GRK5: variants seen among roughly 807,000 people sequenced by gnomAD.
The protein encoded by GRK5 is g protein-coupled receptor kinase GRK5.
GRK5 carries 40 observed loss-of-function variants against 78.4 expected under a neutral mutation model. The observed-to-expected ratio is 0.51, with a 90% CI of 0.40 to 0.66. The LOEUF is 0.66. GRK5 is among the 30% of genes least tolerant of loss of function. GRK5 has a pLI of 0.00. For synonymous variants in GRK5, 289 were observed against 296.8 expected, an observed-to-expected ratio of 0.97 and a Z score of 0.27; for missense variants, 598 against 759.9, an observed-to-expected ratio of 0.79 and a Z score of 2.50.
chr10:119,235,633 G>T (rs549128425), intron 1 of GRK5, among the ~76,000 whole-genome samples: 101 of 152,248 alleles, frequency 6.6e-4, no homozygotes, highest in Middle Eastern at 3.4e-3. Flanking sequence ...TCATTTGAAC[G>T]TGAAGGTACA....
At chr10:119,383,702 A>G (rs1851749290) in intron 3 of GRK5, among the ~76,000 whole-genome samples, 1 of 152,162 alleles carries the variant, frequency 6.6e-6, no homozygotes. Context: ...ATCAGTGGCT[A>G]GTGGGGGCCT....
intron 1 of GRK5, among the ~76,000 whole-genome samples, chr10:119,279,430 G>C (rs1436936012): frequency 1.3e-5 from 2 of 152,184 alleles, no homozygotes; most frequent in African/African-American, 2.4e-5. Flanking sequence ...TCTTCCCCTT[G>C]TGCAGCTCAG....
intron 2 of GRK5, among the ~76,000 whole-genome samples, chr10:119,377,226 G>C (rs1011583872): frequency 6.6e-6 from 1 of 152,152 alleles, no homozygotes; most frequent in Non-Finnish European, 1.5e-5. Context: ...ATCCGAAAGG[G>C]TCCACTCCAA....
chr10:119,314,867 T>C (rs1225359017), intron 1 of GRK5, among the ~76,000 whole-genome samples: 5 of 152,080 alleles, frequency 3.3e-5, no homozygotes, highest in Non-Finnish European at 7.4e-5. Flanking sequence ...ATTCTGGAGA[T>C]TGTGCAGAAA....
rs141783979 is a variant in GRK5 at position 119,379,383 on chromosome 10, C to A, written c.149-1432C>A. 1.3e-5 allele frequency among the ~76,000 whole-genome samples: 2 copies of A among 152,316 alleles called. No homozygotes were observed. The highest frequency in any genetic ancestry group is 2.9e-5 in the Non-Finnish European group (2 of 68,032). ...CCCACACTGACACTCACAGCTACCA[C>A]GAGATCCTCCCTCCCGGCAAGCCAT... On this transcript the variant is annotated intron_variant, in intron 2 of 15. Transcript: ENST00000392870. The surrounding 1 kb of genome is among the most constrained non-coding windows in gnomAD (Gnocchi z 4.1).
intron 1 of GRK5, among the ~76,000 whole-genome samples, chr10:119,237,641 A>G (rs1848954322): frequency 6.6e-6 from 1 of 152,134 alleles, no homozygotes; most frequent in Non-Finnish European, 1.5e-5. Flanking sequence ...GCTACTTGAT[A>G]GAAGTATTCA....
At chr10:119,324,676 C>A (rs1382766305) in intron 1 of GRK5, among the ~76,000 whole-genome samples, 1 of 152,172 alleles carries the variant, frequency 6.6e-6, no homozygotes, top group African/African-American at 2.4e-5. Context: ...AAGGGTGAAG[C>A]CTGCAGGTGA....
chr10:119,428,258 G>A (rs1413147531), intron 6 of GRK5, among the ~76,000 whole-genome samples: 2 of 152,230 alleles, frequency 1.3e-5, no homozygotes, highest in Non-Finnish European at 2.9e-5. Flanking sequence ...CTAGGGCCTC[G>A]GGCAACTCAT....
chr10:119,422,079 C>A (rs58014901), intron 4 of GRK5, among the ~76,000 whole-genome samples: 1 of 152,150 alleles, frequency 6.6e-6, no homozygotes, highest in Non-Finnish European at 1.5e-5. Context: ...CCCCATCTTT[C>A]TGAGTCCACT....
intron 1 of GRK5, among the ~76,000 whole-genome samples, chr10:119,300,236 T>G (rs1850152940): frequency 6.6e-6 from 1 of 152,196 alleles, no homozygotes; most frequent in South Asian, 2.1e-4. Flanking sequence ...TGGAGAGGTG[T>G]GCAGGAAGTG....
intron 1 of GRK5, among the ~76,000 whole-genome samples, chr10:119,214,002 G>A (rs1452836052): frequency 2.0e-5 from 3 of 152,148 alleles, no homozygotes; most frequent in Admixed American, 6.5e-5. Flanking sequence ...TTGAGACAGA[G>A]TCTGCTCTGT....
chr10:119,394,041 C>T (rs1307281551), intron 3 of GRK5, among the ~76,000 whole-genome samples: 2 of 129,460 alleles, frequency 1.5e-5, no homozygotes, highest in Non-Finnish European at 3.3e-5. Context: ...GGATGGGTAT[C>T]TGTGGGTGTG....
intron 2 of GRK5, among the ~76,000 whole-genome samples, chr10:119,351,643 A>G (rs1851186499): frequency 6.6e-6 from 1 of 152,190 alleles, no homozygotes; most frequent in Non-Finnish European, 1.5e-5. Flanking sequence ...AGGATGGACT[A>G]AGACACTATT....
At chr10:119,425,983 G>A (rs748261271) in intron 6 of GRK5, among the ~76,000 whole-genome samples, 42 of 152,318 alleles carry the variant, frequency 2.8e-4, no homozygotes, top group Admixed American at 7.2e-4. Context: ...AGAGCGGGGC[G>A]ATGCCTGTGT....
chr10:119,433,350 G>T (rs1305872209), intron 8 of GRK5, among the ~76,000 whole-genome samples: 1 of 152,232 alleles, frequency 6.6e-6, no homozygotes. Context: ...TGTCTCTGAA[G>T]GGACAGTGCT....
chr10:119,420,680 G>A (rs1852554339), intron 4 of GRK5, among the ~76,000 whole-genome samples: 1 of 151,648 alleles, frequency 6.6e-6, no homozygotes, highest in Non-Finnish European at 1.5e-5. Context: ...TTGGGTTCAA[G>A]GAATCCTCCC....
At chr10:119,443,441 G>C (rs1853078189) in intron 11 of GRK5, 103 bp from the exon 12 acceptor site, 2 of 996,374 alleles carry the variant, frequency 2.0e-6, no homozygotes, top group Admixed American at 4.6e-5. Context: ...AGCAGTTGGT[G>C]GGGTAAGAGT....
intron 4 of GRK5, among the ~76,000 whole-genome samples, chr10:119,418,786 C>T (rs898347175): frequency 6.6e-6 from 1 of 152,120 alleles, no homozygotes; most frequent in Non-Finnish European, 1.5e-5. Context: ...TTAAGGAGAC[C>T]ACCTGGTGAC....
chr10:119,382,511 A>G (rs1353343571), intron 3 of GRK5, among the ~76,000 whole-genome samples: 1 of 152,172 alleles, frequency 6.6e-6, no homozygotes, highest in Non-Finnish European at 1.5e-5. Flanking sequence ...TTATGAACCC[A>G]CAATTATGAA....
Sources: gnomAD v4.1 joint callset for allele counts (sites outside exome capture counted in the v4.1 genomes callset) on GRCh38, gnomAD v4.1.1 for gene constraint, Gnocchi (gnomAD v3.1) non-coding constraint, MANE v1.5 for transcripts, NCBI Gene and HGNC (gene_info 2026-07-23, HGNC 2026-07-21) for gene names.